CFAP77: variants seen among roughly 807,000 people sequenced by gnomAD.
CFAP77 encodes the protein cilia and flagella associated protein 77.
CFAP77 carries 25 observed loss-of-function variants against 31.1 expected under a neutral mutation model. The ratio of observed to expected loss-of-function variants is 0.80; its 90% CI spans 0.59 to 1.12. The LOEUF is 1.12. CFAP77 is among the 50% of genes most tolerant of loss of function. CFAP77 has a pLI of 0.00. For synonymous variants in CFAP77, 151 were observed against 159.9 expected, an observed-to-expected ratio of 0.94 and a Z score of 0.42; for missense variants, 377 against 397.3, an observed-to-expected ratio of 0.95 and a Z score of 0.44.
At chr9:132,430,108 C>A (rs1850386687) in intron 1 of CFAP77, among the ~76,000 whole-genome samples, 1 of 152,092 alleles carries the variant, frequency 6.6e-6, no homozygotes, top group South Asian at 2.1e-4. Flanking sequence ...ACACTTATTT[C>A]TGGTGGTGGT....
intron 5 of CFAP77, among the ~76,000 whole-genome samples, chr9:132,563,759 C>T (rs1163895718): frequency 6.6e-6 from 1 of 152,166 alleles, no homozygotes; most frequent in Non-Finnish European, 1.5e-5. Context: ...TGGAAGTTCC[C>T]GTTTCTCATG....
intron 1 of CFAP77, among the ~76,000 whole-genome samples, chr9:132,411,461 C>G (rs1234966185): frequency 3.3e-5 from 5 of 152,192 alleles, no homozygotes. Flanking sequence ...AACATTGACT[C>G]CCTCCTCTTG....
intron 1 of CFAP77, among the ~76,000 whole-genome samples, chr9:132,475,475 A>C (rs1254712634): frequency 6.6e-6 from 1 of 152,246 alleles, no homozygotes; most frequent in Non-Finnish European, 1.5e-5. Flanking sequence ...GAGGGGATGC[A>C]GAGCCCACTT....
chr9:132,426,442 T>C (rs997152724), intron 1 of CFAP77, among the ~76,000 whole-genome samples: 2 of 152,164 alleles, frequency 1.3e-5, no homozygotes, highest in Non-Finnish European at 2.9e-5. Flanking sequence ...ACAACAGTAA[T>C]GTCTTCAAAC....
chr9:132,429,537 C>CAAA (rs762588728), intron 1 of CFAP77, among the ~76,000 whole-genome samples: 29 of 39,422 alleles, frequency 7.4e-4, no homozygotes, highest in East Asian at 2.2e-3. Flanking sequence ...GACTTCAACT[C>CAAA]AAAAAAAAAA....
At chr9:132,443,938 T>A (rs763565884) in intron 1 of CFAP77, among the ~76,000 whole-genome samples, 27 of 152,374 alleles carry the variant, frequency 1.8e-4, no homozygotes, top group Admixed American at 8.5e-4. Context: ...TCCCATTTTA[T>A]TCAATCAACC....
intron 3 of CFAP77, among the ~76,000 whole-genome samples, chr9:132,529,927 G>A (rs1589909163): frequency 6.6e-6 from 1 of 152,174 alleles, no homozygotes; most frequent in South Asian, 2.1e-4. Context: ...CATGGGAGCT[G>A]TAGTTTCTGT....
chr9:132,509,352 C>T (rs1168359047), intron 3 of CFAP77, among the ~76,000 whole-genome samples: 2 of 152,180 alleles, frequency 1.3e-5, no homozygotes, highest in African/African-American at 2.4e-5. Flanking sequence ...CTGCCCAGCC[C>T]GGGCTACCTC....
intron 3 of CFAP77, among the ~76,000 whole-genome samples, chr9:132,516,675 G>T (rs555488726): frequency 6.6e-6 from 1 of 152,078 alleles, no homozygotes; most frequent in South Asian, 2.1e-4. Flanking sequence ...CTGTATCAAT[G>T]CCATTATCCT....
chr9:132,514,158 G>A (rs529686002), intron 3 of CFAP77, among the ~76,000 whole-genome samples: 1 of 152,114 alleles, frequency 6.6e-6, no homozygotes, highest in African/African-American at 2.4e-5. Context: ...CTGACCACGG[G>A]TGACAGTGAG....
intron 4 of CFAP77, among the ~76,000 whole-genome samples, chr9:132,542,170 C>T (rs1043269839): frequency 6.6e-6 from 1 of 152,196 alleles, no homozygotes; most frequent in Non-Finnish European, 1.5e-5. Flanking sequence ...CAGTACTCCC[C>T]GGGGGCTGCC....
intron 1 of CFAP77, among the ~76,000 whole-genome samples, chr9:132,439,385 G>A (rs1389159997): frequency 6.6e-6 from 1 of 151,980 alleles, no homozygotes; most frequent in African/African-American, 2.4e-5. Context: ...CTTCCTCTAT[G>A]AGGCTCTGTG....
intron 1 of CFAP77, among the ~76,000 whole-genome samples, chr9:132,426,315 T>C (rs1850310956): frequency 6.6e-6 from 1 of 152,182 alleles, no homozygotes; most frequent in Non-Finnish European, 1.5e-5. Flanking sequence ...GACAGACTTA[T>C]TATGAGAGAG....
chr9:132,544,517 G>GTGAGTCTCACTCTGTCTCACT, intron 5 of CFAP77, among the ~76,000 whole-genome samples: 1 of 141,692 alleles, frequency 7.1e-6, no homozygotes, highest in Non-Finnish European at 1.5e-5. Context: ...TTTTTTTAAG[G>GTGAGTCTCACTCTGTCTCACT]CTGGGTCTCA....
intron 1 of CFAP77, chr9:132,482,474 G>A: frequency 7.1e-7 from 1 of 1,401,102 alleles, no homozygotes; most frequent in East Asian, 2.3e-5. Context: ...GAAAAGAGGG[G>A]CCCCTCCCGG....
intron 1 of CFAP77, among the ~76,000 whole-genome samples, chr9:132,478,361 G>A (rs1384038903): frequency 6.6e-6 from 1 of 151,364 alleles, no homozygotes; most frequent in African/African-American, 2.4e-5. Flanking sequence ...GAGGCTCACA[G>A]GTGAAGACGC....
intron 1 of CFAP77, among the ~76,000 whole-genome samples, chr9:132,429,372 C>G (rs959602926): frequency 2.0e-4 from 31 of 151,746 alleles, no homozygotes; most frequent in African/African-American, 7.3e-4. Flanking sequence ...AACCCTGTCT[C>G]TACTAAAAAT....
chr9:132,504,270 C>T (rs1213914115), intron 3 of CFAP77, among the ~76,000 whole-genome samples: 1 of 152,222 alleles, frequency 6.6e-6, no homozygotes, highest in Non-Finnish European at 1.5e-5. Flanking sequence ...GCAGCCGGAA[C>T]ACCCACAGCT....
chr9:132,428,174 G>GT (rs111938414), intron 1 of CFAP77, among the ~76,000 whole-genome samples: 500 of 144,130 alleles, frequency 3.5e-3, no homozygotes, highest in East Asian at 3.9e-3. Flanking sequence ...TAATTTTTAA[G>GT]TTTTTTTTTT....
Sources: allele counts gnomAD v4.1 joint callset (sites outside exome capture counted in the v4.1 genomes callset), GRCh38; gene constraint gnomAD v4.1.1; transcripts MANE v1.5; gene names NCBI Gene and HGNC (gene_info 2026-07-23, HGNC 2026-07-21).